The following PCDHA9 variants were observed in gnomAD, a reference collection of about 807,000 sequenced individuals.
PCDHA9 encodes protocadherin alpha-9.
In PCDHA9, 62 loss-of-function variants were observed where a neutral mutation model predicts 62.0. That is an observed-to-expected ratio of 1.00 (90% CI 0.81 to 1.23). The LOEUF (loss-of-function observed/expected upper bound fraction) is 1.23. PCDHA9 is among the 50% of genes most tolerant of loss of function. The probability of loss-of-function intolerance (pLI) is 0.00; values close to 1 mark genes in which losing one functional copy is unlikely to be tolerated. For missense variants in PCDHA9, 1,205 were observed against 1,249.8 expected (o/e 0.96, Z 0.54); for synonymous variants, 557 against 567.6 (o/e 0.98, Z 0.27).
At chr5:140,949,234 A>C (rs2094354068) in intron 1 of PCDHA9, among the ~76,000 whole-genome samples, 1 of 151,820 alleles carries the variant, frequency 6.6e-6, no homozygotes, top group South Asian at 2.1e-4. Flanking sequence ...TCTGTGGCCC[A>C]GCAACAGTCT....
chr5:140,942,206 T>G (rs916002360), intron 1 of PCDHA9, among the ~76,000 whole-genome samples: 1 of 152,152 alleles, frequency 6.6e-6, no homozygotes, highest in African/African-American at 2.4e-5. Context: ...TTTTTGAGCA[T>G]AAGATATTTA....
In PCDHA9 at chr5:140,848,671, T is replaced by C. The variant is rs2150416657; in HGVS notation, c.176T>C (p.Leu59Pro). The C allele has an allele frequency of 3.1e-6, 5 of 1,592,316 alleles. 1 individual carries two copies. The highest frequency in any genetic ancestry group is 2.2e-5 in the South Asian group (2 of 90,134). Residue 59 changes from leucine (L) to proline (P), a missense_variant, in exon 1 of 4, where the codon CTG (leucine) becomes CCG (proline). By Grantham distance (98) the Leu-to-Pro change is moderately conservative. This residue lies in a region of PCDHA9 where 208 missense variants were observed against 213.2 expected (regional missense o/e 0.98). Transcript: ENST00000532602. ...GACCTGGGGCTGGAGCTGGCGGAGCTGGTGCCGCGCCTGTTCCAGTTGGAT... is the reference window on the plus strand; with the variant it reads ...GACCTGGGGCTGGAGCTGGCGGAGCCGGTGCCGCGCCTGTTCCAGTTGGAT... The part of the protein sequence containing the change: ...AQDLGLELAE[L>P]VPRLFQLDSK...
intron 1 of PCDHA9, among the ~76,000 whole-genome samples, chr5:140,905,700 A>G (rs926526227): frequency 3.9e-5 from 6 of 152,136 alleles, no homozygotes; most frequent in Non-Finnish European, 5.9e-5. Context: ...TGTGTCATTT[A>G]TGATTTCCTT....
intron 1 of PCDHA9, among the ~76,000 whole-genome samples, chr5:140,932,619 A>T (rs535899807): frequency 5.3e-5 from 8 of 152,056 alleles, no homozygotes; most frequent in African/African-American, 1.9e-4. Context: ...TGAAGCTGAT[A>T]ACCACACTAA....
At chr5:140,870,667 T>C (rs251372) in intron 1 of PCDHA9, 777,079 of 1,612,370 alleles carry the variant, frequency 0.48, 188,810 homozygotes, top group South Asian at 0.57. Context: ...GCTGCAGCCG[T>C]TGGACCACGA....
intron 3 of PCDHA9, among the ~76,000 whole-genome samples, chr5:140,983,034 C>G (rs923296416): frequency 2.6e-5 from 4 of 151,944 alleles, no homozygotes; most frequent in Non-Finnish European, 5.9e-5. Context: ...GATGGTTTCT[C>G]ATGGAAGTGG....
At chr5:140,934,952 C>T (rs1007494400) in intron 1 of PCDHA9, among the ~76,000 whole-genome samples, 22 of 152,218 alleles carry the variant, frequency 1.4e-4, no homozygotes, top group African/African-American at 5.1e-4. Flanking sequence ...AGAGAGATCC[C>T]ATGTGCTTGT....
chr5:140,961,400 C>T (rs929653995), intron 1 of PCDHA9, among the ~76,000 whole-genome samples: 10 of 152,186 alleles, frequency 6.6e-5, no homozygotes, highest in African/African-American at 2.4e-4. Context: ...TTAGTAAACA[C>T]TTTTTGGCAT....
At position 140,862,994 on chromosome 5, in the gene PCDHA9, G is replaced by A. The variant is rs199654880; in HGVS notation, c.2394+12105G>A. 324 of 549,002 alleles carry A rather than the reference G, an allele frequency of 5.9e-4. 3 individuals are homozygous for A. The highest frequency in any genetic ancestry group is 1.3e-3 in the South Asian group (92 of 72,564). 34.0% of individuals were successfully genotyped at this position (549,002 alleles called of 1,614,324 possible). On this transcript the variant is annotated intron_variant, in intron 1 of 3. Coordinates refer to ENST00000532602, the MANE Select transcript of PCDHA9 (RefSeq NM_031857.2). ...CCACTTGGTGGCGAAGGTGCGCACGGTGGACTCCAGCTATGACGCCTGGTT... is the reference window on the plus strand; with the variant it reads ...CCACTTGGTGGCGAAGGTGCGCACGATGGACTCCAGCTATGACGCCTGGTT...
In PCDHA9 at chr5:140,858,436, G is replaced by A. The variant is rs781811192; in HGVS notation, c.2394+7547G>A. 9 of 1,542,522 alleles carry A rather than the reference G, an allele frequency of 5.8e-6. 1 individual carries two copies. In the South Asian group the frequency reaches 1.1e-4, roughly 18 times the overall value. ...CTATTGGAGGGGACCACTCTAGGAA[G>A]GTGGGTTATTACGTTTTCATTTTCC... On this transcript the variant is annotated intron_variant, in intron 1 of 3. Coordinates refer to ENST00000532602, the MANE Select transcript of PCDHA9 (RefSeq NM_031857.2).
intron 1 of PCDHA9, among the ~76,000 whole-genome samples, chr5:140,920,387 A>C (rs1163833842): frequency 6.6e-6 from 1 of 152,216 alleles, no homozygotes; most frequent in East Asian, 1.9e-4. Flanking sequence ...TCATATTACC[A>C]TCTGGTGTCT....
In PCDHA9 at chr5:141,010,449, C is replaced by G. The variant is rs764975082; in HGVS notation, c.*512C>G. 1.1e-6 allele frequency: 1 copy of G among 915,348 alleles called. No homozygotes were observed. Among genetic ancestry groups the G allele is most frequent in the East Asian group, 2.7e-5 (1 of 36,418 alleles). 56.7% of individuals were successfully genotyped at this position (915,348 alleles called of 1,614,324 possible). ...CAAGAAAACAAAGACAAATAAACAGCGGAAGTTATCAGTATGGAGGGGAAG... is the reference window on the plus strand; with the variant it reads ...CAAGAAAACAAAGACAAATAAACAGGGGAAGTTATCAGTATGGAGGGGAAG... On this transcript the variant is annotated 3_prime_UTR_variant, in exon 4 of 4. Transcript: ENST00000532602.
chr5:140,898,817 C>T (rs1381051036), intron 1 of PCDHA9, among the ~76,000 whole-genome samples: 1 of 151,766 alleles, frequency 6.6e-6, no homozygotes, highest in Admixed American at 6.6e-5. Context: ...TCTTCCTACC[C>T]ATGAGCATGG....
intron 1 of PCDHA9, among the ~76,000 whole-genome samples, chr5:140,886,288 A>T (rs1227734409): frequency 6.6e-6 from 1 of 151,870 alleles, no homozygotes; most frequent in Non-Finnish European, 1.5e-5. Flanking sequence ...AATTATTTTT[A>T]TATTTATTTA....
chr5:140,904,738 A>T (rs1373664313), intron 1 of PCDHA9, among the ~76,000 whole-genome samples: 1 of 152,012 alleles, frequency 6.6e-6, no homozygotes, highest in African/African-American at 2.4e-5. Context: ...TTATTTTTTT[A>T]TTATGACCAT....
At chr5:141,000,643 G>A (rs2097954450) in intron 3 of PCDHA9, among the ~76,000 whole-genome samples, 1 of 151,102 alleles carries the variant, frequency 6.6e-6, no homozygotes, top group Non-Finnish European at 1.5e-5. Context: ...GGGCAGGCTG[G>A]TCTCGAACTC....
intron 1 of PCDHA9, among the ~76,000 whole-genome samples, chr5:140,885,103 C>G (rs1336980793): frequency 6.6e-6 from 1 of 152,018 alleles, no homozygotes; most frequent in Non-Finnish European, 1.5e-5. Context: ...CACATAAATG[C>G]TTTTTTTAAG....
intron 1 of PCDHA9, among the ~76,000 whole-genome samples, chr5:140,964,435 C>G (rs2095833359): frequency 6.6e-6 from 1 of 152,108 alleles, no homozygotes; most frequent in African/African-American, 2.4e-5. Context: ...AATTACCAAG[C>G]CTCTGCCACT....
chr5:140,965,206 T>A (rs2095879920), intron 1 of PCDHA9, among the ~76,000 whole-genome samples: 1 of 152,238 alleles, frequency 6.6e-6, no homozygotes. Flanking sequence ...AGATTTCAAA[T>A]TCCTGTGGAA....
Sources: allele counts gnomAD v4.1 joint callset (sites outside exome capture counted in the v4.1 genomes callset), GRCh38; gene constraint gnomAD v4.1.1; regional missense constraint gnomAD v4.1.1; transcripts MANE v1.5; gene names NCBI Gene and HGNC (gene_info 2026-07-23, HGNC 2026-07-21).